Variants in TAF1B observed in about 807,000 individuals in gnomAD.
TAF1B encodes the protein TATA-box binding protein associated factor, RNA polymerase I subunit B.
In TAF1B, 61 loss-of-function variants were observed where a neutral mutation model predicts 83.9. That is an observed-to-expected ratio of 0.73 (90% confidence interval 0.59 to 0.90). TAF1B has a LOEUF of 0.90. Ranked by LOEUF, TAF1B falls within the 40% of genes least tolerant of loss-of-function variation. The pLI, the probability that TAF1B is intolerant of heterozygous loss-of-function variation, is 0.00. For missense variants in TAF1B, 625 were observed against 677.0 expected, an observed-to-expected ratio of 0.92 and a Z score of 0.85; for synonymous variants, 221 against 224.6, an observed-to-expected ratio of 0.98 and a Z score of 0.14.
At chr2:9,933,600 C>T (rs1385916537) in intron 14 of TAF1B, among the ~76,000 whole-genome samples, 183 bp from the exon 15 acceptor site, 2 of 152,170 alleles carry the variant, frequency 1.3e-5, no homozygotes, top group East Asian at 1.9e-4. Context: ...ACAGTGTGAA[C>T]ATGTTTTCCT....
intron 5 of TAF1B, among the ~76,000 whole-genome samples, chr2:9,867,250 A>G (rs1410521532): frequency 6.6e-6 from 1 of 152,190 alleles, no homozygotes; most frequent in Non-Finnish European, 1.5e-5. Context: ...GCACAAATAG[A>G]GAAACTGGCT....
intron 14 of TAF1B, 53 bp downstream of exon 14, chr2:9,919,873 A>G (rs1558267984): frequency 6.6e-7 from 1 of 1,510,036 alleles, no homozygotes; most frequent in East Asian, 2.4e-5. Flanking sequence ...TGACTGTATA[A>G]GAGCCAGATA....
intron 14 of TAF1B, among the ~76,000 whole-genome samples, chr2:9,923,004 G>A (rs557071940): frequency 6.6e-6 from 1 of 152,302 alleles, no homozygotes; most frequent in South Asian, 2.1e-4. Context: ...AGCACTTAGG[G>A]AGGCTGAGGC....
chr2:9,931,207 A>AT (rs994640817), intron 14 of TAF1B, among the ~76,000 whole-genome samples: 1 of 152,210 alleles, frequency 6.6e-6, no homozygotes, highest in Non-Finnish European at 1.5e-5. Context: ...TGATCCTGTC[A>AT]TTATGATGTT....
chr2:9,844,213 C>G (rs1309612743), intron 1 of TAF1B: 1 of 151,974 alleles, frequency 6.6e-6, no homozygotes, highest in African/African-American at 2.4e-5. Context: ...TACAGTGGCA[C>G]GATCACGGCT....
intron 4 of TAF1B, among the ~76,000 whole-genome samples, chr2:9,853,541 C>T (rs1663466640): frequency 1.3e-5 from 2 of 151,864 alleles, no homozygotes; most frequent in Non-Finnish European, 2.9e-5. Context: ...GATCATGGCT[C>T]ACTGCAGCCC....
chr2:9,904,387 T>C (rs577500176), intron 8 of TAF1B, among the ~76,000 whole-genome samples: 5 of 152,364 alleles, frequency 3.3e-5, no homozygotes, highest in African/African-American at 1.2e-4. Flanking sequence ...ATTAATTTGC[T>C]TAAGATAATG....
intron 14 of TAF1B, among the ~76,000 whole-genome samples, chr2:9,930,241 C>T (rs533073452): frequency 6.6e-6 from 1 of 152,146 alleles, no homozygotes; most frequent in East Asian, 1.9e-4. Flanking sequence ...TTTGCTCATG[C>T]TTCTCTAGTT....
chr2:9,894,063 A>G (rs1394501913), intron 8 of TAF1B, among the ~76,000 whole-genome samples: 1 of 151,180 alleles, frequency 6.6e-6, no homozygotes, highest in Non-Finnish European at 1.5e-5. Flanking sequence ...TTGTTTGTAT[A>G]TGTCTTACAT....
At position 9,843,561 on chromosome 2, in the gene TAF1B, T is replaced by C; in HGVS notation, c.18+2T>C. On this transcript the variant is annotated splice_donor_variant, in intron 1 of 14. Transcript: ENST00000263663. LOFTEE classifies it high-confidence loss of function. The stretch of plus-strand genomic sequence containing the variant: ...GCCGCGATGGACCTCGAGGAGGCGG[T>C]AAGGAGGCGGTGCACCTGGCGGGCC... 6.6e-7 allele frequency: 1 copy of C among 1,520,546 alleles called. No individual in the cohort carries two copies. The highest frequency in any genetic ancestry group is 1.4e-5 in the African/African-American group (1 of 69,944). 94.2% of individuals were successfully genotyped at this position (1,520,546 alleles called of 1,614,324 possible).
At chr2:9,903,696 G>A (rs911261490) in intron 8 of TAF1B, among the ~76,000 whole-genome samples, 3 of 152,148 alleles carry the variant, frequency 2.0e-5, no homozygotes, top group African/African-American at 4.8e-5. Flanking sequence ...ACAGTGAGCC[G>A]CATTTGTTAG....
At chr2:9,850,027 A>ATATGTG (rs1491386877) in intron 3 of TAF1B, among the ~76,000 whole-genome samples, 2 of 123,498 alleles carry the variant, frequency 1.6e-5, no homozygotes, top group African/African-American at 5.2e-5. Context: ...ATATATATAT[A>ATATGTG]TGTGTGTGTG....
chr2:9,869,825 T>C (rs1331285865), intron 6 of TAF1B, among the ~76,000 whole-genome samples: 1 of 151,406 alleles, frequency 6.6e-6, no homozygotes, highest in African/African-American at 2.4e-5. Context: ...TGAGCCAAGA[T>C]CACACCACTG....
intron 14 of TAF1B, among the ~76,000 whole-genome samples, chr2:9,929,861 G>T (rs1236236093): frequency 6.6e-6 from 1 of 152,188 alleles, no homozygotes; most frequent in Non-Finnish European, 1.5e-5. Flanking sequence ...CTCAATTTCA[G>T]AACCTGTTAT....
intron 6 of TAF1B, among the ~76,000 whole-genome samples, chr2:9,875,580 C>T (rs551052598): frequency 1.6e-4 from 24 of 152,150 alleles, no homozygotes; most frequent in Admixed American, 1.2e-3. Flanking sequence ...GCAAGATGAG[C>T]GTGTGCAGGG....
At chr2:9,925,824 C>T (rs893310862) in intron 14 of TAF1B, among the ~76,000 whole-genome samples, 9 of 152,148 alleles carry the variant, frequency 5.9e-5, no homozygotes, top group African/African-American at 2.2e-4. Context: ...ATCTGCCCGC[C>T]TCGGCCTCCC....
At chr2:9,913,279 C>G in intron 12 of TAF1B, 30 bp downstream of exon 12, 1 of 1,552,522 alleles carries the variant, frequency 6.4e-7, no homozygotes, top group Non-Finnish European at 8.9e-7. Context: ...TTAGATGCAC[C>G]TGCCTTACTT....
intron 7 of TAF1B, among the ~76,000 whole-genome samples, chr2:9,878,744 G>A (rs1664400882): frequency 6.6e-6 from 1 of 152,212 alleles, no homozygotes; most frequent in African/African-American, 2.4e-5. Context: ...TATAGGTCAA[G>A]TCCTTGCTCT....
chr2:9,900,822 A>T (rs1364994296), intron 8 of TAF1B, among the ~76,000 whole-genome samples: 2 of 152,040 alleles, frequency 1.3e-5, no homozygotes, highest in African/African-American at 2.4e-5. Context: ...AAATTTAGGG[A>T]TGTGGAAGAT....
Sources: allele counts gnomAD v4.1 joint callset (sites outside exome capture counted in the v4.1 genomes callset), GRCh38; gene constraint gnomAD v4.1.1; transcripts MANE v1.5; gene names NCBI Gene and HGNC (gene_info 2026-07-23, HGNC 2026-07-21).